FMO5: variants seen among roughly 807,000 people sequenced by gnomAD.
The protein encoded by FMO5 is flavin containing dimethylaniline monoxygenase 5.
In FMO5, 51 loss-of-function variants were observed where a neutral mutation model predicts 43.6. The observed-to-expected ratio is 1.17, with a 90% CI of 0.93 to 1.48. FMO5 has a LOEUF of 1.48. Among genes scored for constraint, FMO5 ranks in the 40% most tolerant of loss-of-function variants. The probability of loss-of-function intolerance (pLI) is 0.00; values close to 1 mark genes in which losing one functional copy is unlikely to be tolerated. For missense variants in FMO5, 644 were observed against 643.0 expected (o/e 1.00, Z -0.02); for synonymous variants, 187 against 216.5 (o/e 0.86, Z 1.20).
intron 2 of FMO5, among the ~76,000 whole-genome samples, chr1:147,216,650 G>T (rs999370477): frequency 1.3e-5 from 2 of 152,146 alleles, no homozygotes. Context: ...ATACAAAAAT[G>T]AGACAAGCTA....
intron 4 of FMO5, 66 bp from the exon 5 acceptor site, chr1:147,212,601 T>G (rs1661259812): frequency 6.9e-7 from 1 of 1,459,634 alleles, no homozygotes; most frequent in South Asian, 1.3e-5. Context: ...TGTCAAGTCA[T>G]TTGTTTTTTT....
chr1:147,197,410 G>A (rs1553920020), intron 7 of FMO5, among the ~76,000 whole-genome samples: 4 of 152,190 alleles, frequency 2.6e-5, no homozygotes, highest in African/African-American at 9.6e-5. Context: ...TTACTTGTCT[G>A]TCTTTGATAT....
chr1:147,188,245 G>A (rs1238626105), intron 8 of FMO5, among the ~76,000 whole-genome samples: 1 of 152,098 alleles, frequency 6.6e-6, no homozygotes, highest in Non-Finnish European at 1.5e-5. Context: ...TCATGAGGTT[G>A]GGCGTGGTGT....
At chr1:147,191,232 A>G (rs1656724548) in intron 7 of FMO5, among the ~76,000 whole-genome samples, 1 of 152,126 alleles carries the variant, frequency 6.6e-6, no homozygotes, top group Non-Finnish European at 1.5e-5. Flanking sequence ...TGGTACTTCC[A>G]GTTCTAGATT....
At position 147,215,747 on chromosome 1, in the gene FMO5, T is replaced by C. The variant is rs782544635; in HGVS notation, c.324+7A>G. The C allele has an allele frequency of 6.3e-7, 1 of 1,584,392 alleles. No homozygotes were observed. The highest frequency in any genetic ancestry group is 8.6e-7 in the Non-Finnish European group (1 of 1,166,012). ...TCAAACACAAAGATACCCACACAAT[T>C]TTCTACCTTAAATCGAATATACTTT... On this transcript the variant is annotated splice_region_variant and intron_variant, in intron 3 of 8. Transcript: ENST00000254090.
intron 7 of FMO5, among the ~76,000 whole-genome samples, chr1:147,199,230 T>C (rs1658564436): frequency 6.9e-6 from 1 of 143,940 alleles, no homozygotes; most frequent in South Asian, 2.3e-4. Context: ...TGGGCAGACA[T>C]GAAAAAAATG....
chr1:147,221,926 G>T (rs1553926355), intron 2 of FMO5, among the ~76,000 whole-genome samples: 2 of 152,184 alleles, frequency 1.3e-5, no homozygotes, highest in Admixed American at 1.3e-4. Flanking sequence ...GAGCAGTATT[G>T]GGTTAGTGAG....
Position 147,187,245 on chromosome 1 carries a change from C to T in FMO5, c.1257G>A (p.Arg419=), listed in dbSNP as rs1553917378. 10 of 1,583,034 alleles carry T rather than the reference C, an allele frequency of 6.3e-6. No individual in the cohort carries two copies. Among genetic ancestry groups the T allele is most frequent in the Non-Finnish European group, 8.6e-6 (10 of 1,166,040 alleles). The change falls in exon 9 of 9, where the codon AGG becomes AGA. Residue 419 remains arginine (R), a splice_region_variant and synonymous_variant. Coordinates refer to ENST00000254090, the MANE Select transcript of FMO5 (RefSeq NM_001461.4). ...TGGTATGGCGTTGGCTCTCCACATA[C>T]CTAAAGTAGAAAAGACAGAAACCAT... ...ISKAQEEIDK[R]YVESQRHTIQ...
chr1:147,200,927 G>C (rs1247118827), intron 7 of FMO5, among the ~76,000 whole-genome samples: 1 of 152,052 alleles, frequency 6.6e-6, no homozygotes, highest in Admixed American at 6.6e-5. Flanking sequence ...CAGCAAGGAT[G>C]GTGTCAAAGC....
intron 7 of FMO5, among the ~76,000 whole-genome samples, chr1:147,192,334 C>CT (rs1217817006): frequency 6.6e-6 from 1 of 151,732 alleles, no homozygotes; most frequent in Non-Finnish European, 1.5e-5. Context: ...GTGTATAAGA[C>CT]TGCTTGTGAT....
intron 2 of FMO5, among the ~76,000 whole-genome samples, chr1:147,223,158 G>A (rs1663354194): frequency 6.6e-6 from 1 of 152,170 alleles, no homozygotes; most frequent in Non-Finnish European, 1.5e-5. Flanking sequence ...CAGAAATAAG[G>A]TTTGAGCCTA....
At chr1:147,225,105 G>A in intron 1 of FMO5, 39 bp from the exon 2 acceptor site, 1 of 1,605,002 alleles carries the variant, frequency 6.2e-7, no homozygotes, top group East Asian at 2.2e-5. Flanking sequence ...GCACACATCG[G>A]TTAACATTTT....
chr1:147,203,896 G>A, intron 6 of FMO5: 1 of 1,576,248 alleles, frequency 6.3e-7, no homozygotes. Flanking sequence ...CACTGTCTCA[G>A]TGTCCCATTT....
intron 7 of FMO5, among the ~76,000 whole-genome samples, chr1:147,196,603 A>T (rs11578109): frequency 0.59 from 90,211 of 151,890 alleles, 28,915 homozygotes; most frequent in East Asian, 0.88. Flanking sequence ...TAAAAAAATT[A>T]AAAAATTTTA....
intron 2 of FMO5, among the ~76,000 whole-genome samples, chr1:147,218,909 T>A (rs1212243043): frequency 6.6e-6 from 1 of 152,188 alleles, no homozygotes; most frequent in Non-Finnish European, 1.5e-5. Context: ...TAGATTCCGC[T>A]ATTCATCCTC....
intron 2 of FMO5, among the ~76,000 whole-genome samples, chr1:147,218,597 T>A (rs922906692): frequency 1.3e-4 from 20 of 152,310 alleles, no homozygotes; most frequent in African/African-American, 3.6e-4. Flanking sequence ...ACAAAGTAGA[T>A]CCTGCCACTC....
chr1:147,216,315 G>C (rs1661986841), intron 2 of FMO5, among the ~76,000 whole-genome samples: 2 of 152,140 alleles, frequency 1.3e-5, no homozygotes, highest in Non-Finnish European at 2.9e-5. Flanking sequence ...GAGAATGTCT[G>C]GGACAGAAAA....
chr1:147,184,476 A>T (rs1369585634), downstream of FMO5: 37 of 1,503,348 alleles, frequency 2.5e-5, no homozygotes, highest in Non-Finnish European at 3.1e-5. The surrounding 1 kb of genome is among the most constrained non-coding windows in gnomAD (Gnocchi z 4.4). Flanking sequence ...CCAGGATACT[A>T]CATTACATTT....
intron 7 of FMO5, among the ~76,000 whole-genome samples, chr1:147,196,289 A>G (rs1657981135): frequency 6.6e-6 from 1 of 152,120 alleles, no homozygotes; most frequent in African/African-American, 2.4e-5. Flanking sequence ...ATTATTATTT[A>G]TCATCATAAA....
Sources: gnomAD v4.1 joint callset for allele counts (sites outside exome capture counted in the v4.1 genomes callset) on GRCh38, gnomAD v4.1.1 for gene constraint, Gnocchi (gnomAD v3.1) non-coding constraint, MANE v1.5 for transcripts, NCBI Gene and HGNC (gene_info 2026-07-23, HGNC 2026-07-21) for gene names.